PCDH15: variants seen among roughly 807,000 people sequenced by gnomAD.
The protein encoded by PCDH15 is protocadherin related 15, also known as protocadherin-15.
Under a neutral mutation model 178.5 loss-of-function variants are expected in PCDH15, and 129 were observed. That is an observed-to-expected ratio of 0.72 (90% CI 0.63 to 0.84). PCDH15 has a LOEUF of 0.84. PCDH15 is among the 40% of genes least tolerant of loss of function. The pLI, the probability that PCDH15 is intolerant of heterozygous loss-of-function variation, is 0.00. For synonymous variants in PCDH15, 800 were observed against 732.0 expected (o/e 1.09, Z -1.50); for missense variants, 2,230 against 2,099.9 (o/e 1.06, Z -1.21).
At position 54,369,195 on chromosome 10, in the gene PCDH15, C is replaced by G; in HGVS notation, c.399G>C (p.Val133=). The G allele has an allele frequency of 6.2e-7, 1 of 1,613,022 alleles. No individual in the cohort carries two copies. Among genetic ancestry groups the G allele is most frequent in the Non-Finnish European group, 8.5e-7 (1 of 1,179,426 alleles). The change falls in exon 5 of 38, where the codon GTG becomes GTC. Residue 133 remains valine (V), a synonymous_variant. Coordinates refer to ENST00000644397, the MANE Select transcript of PCDH15 (RefSeq NM_001384140.1). ...CATTCCTGTCTCTCACCACTATTCG[C>G]ACTTCATGGTAGATAATAGTGCCCA... The part of the protein sequence containing the change: ...KKVGTIIYHE[V]RIVVRDRNDN...
At chr10:53,988,834 C>A (rs1028962975) in intron 21 of PCDH15, among the ~76,000 whole-genome samples, 1 of 151,540 alleles carries the variant, frequency 6.6e-6, no homozygotes, top group Non-Finnish European at 1.5e-5. Context: ...TCCCCACTCC[C>A]GAAATATGTG....
At chr10:53,828,705 A>G (rs2076849031) in intron 30 of PCDH15, 132 bp from the exon 31 acceptor site, 1 of 785,060 alleles carries the variant, frequency 1.3e-6, no homozygotes, top group Non-Finnish European at 2.1e-6. Flanking sequence ...AGAGTTAATG[A>G]CAGACTAAGA....
intron 17 of PCDH15, among the ~76,000 whole-genome samples, chr10:54,067,708 A>G (rs187409085): frequency 4.4e-4 from 67 of 152,196 alleles, no homozygotes; most frequent in African/African-American, 1.4e-3. Context: ...GAGAAAGAAT[A>G]TTAACCTGGA....
At chr10:54,105,339 TACACACAC>T (rs59388031) in intron 15 of PCDH15, among the ~76,000 whole-genome samples, 6 of 135,000 alleles carry the variant, frequency 4.4e-5, no homozygotes, top group Non-Finnish European at 7.8e-5. Flanking sequence ...TACATATATA[TACACACAC>T]ACACACACAT....
In PCDH15 at chr10:55,275,033, C is replaced by CT. The variant is rs1842551637; in HGVS notation, c.-156+44565dup. On this transcript the variant is annotated intron_variant, in intron 1 of 5. Coordinates refer to the PCDH15 transcript ENST00000458638. ...AGAGTCCCATTTCCTGCTGTTTTCTCTTTTTTTCTTACCATATTTCTGTGA... is the reference window on the plus strand; with the variant it reads ...AGAGTCCCATTTCCTGCTGTTTTCTCTTTTTTTTCTTACCATATTTCTGTGA... Among the ~76,000 whole-genome samples the CT allele has an allele frequency of 3.3e-5, 5 of 151,968 alleles. No homozygotes were observed. In the South Asian group the frequency reaches 1.0e-3, roughly 32 times the overall value.
intron 1 of PCDH15, among the ~76,000 whole-genome samples, chr10:54,701,620 C>A (rs2132240231): frequency 6.6e-6 from 1 of 151,900 alleles, no homozygotes; most frequent in South Asian, 2.1e-4. Flanking sequence ...ATCAATCAGA[C>A]AAACAGAAAA....
At chr10:54,693,735 T>C (rs752684367) in intron 1 of PCDH15, among the ~76,000 whole-genome samples, 15 of 152,092 alleles carry the variant, frequency 9.9e-5, no homozygotes, top group Non-Finnish European at 1.5e-4. Context: ...ATTGGCTAGA[T>C]TGGAGAGTTT....
At chr10:53,830,173 A>AT (rs1431689082) in intron 30 of PCDH15, among the ~76,000 whole-genome samples, 1 of 152,018 alleles carries the variant, frequency 6.6e-6, no homozygotes, top group South Asian at 2.1e-4. Flanking sequence ...GTGGTGGCGC[A>AT]TGCCTGTAAT....
At chr10:54,851,726 C>T (rs1426747805) in intron 3 of PCDH15, among the ~76,000 whole-genome samples, 2 of 152,060 alleles carry the variant, frequency 1.3e-5, no homozygotes, top group Non-Finnish European at 2.9e-5. Context: ...TCCCAAACTA[C>T]GCCTGGCTAA....
intron 20 of PCDH15, among the ~76,000 whole-genome samples, chr10:54,004,712 T>C (rs533824095): frequency 7.6e-4 from 116 of 152,084 alleles, no homozygotes; most frequent in Middle Eastern, 3.4e-3. Context: ...ATCAATATTG[T>C]TAAAATGTCC....
chr10:54,686,041 A>ATTT (rs66539612), intron 1 of PCDH15, among the ~76,000 whole-genome samples: 147 of 126,856 alleles, frequency 1.2e-3, no homozygotes, highest in African/African-American at 3.3e-3. Context: ...AAGACAGCCA[A>ATTT]TTTTTTTTTT....
At chr10:55,192,956 A>T (rs1417394129) in intron 1 of PCDH15, among the ~76,000 whole-genome samples, 2 of 149,592 alleles carry the variant, frequency 1.3e-5, no homozygotes, top group African/African-American at 4.9e-5. Flanking sequence ...CTGCATAGGT[A>T]GATTTCCTTT....
At chr10:55,581,095 T>C (rs1159444494) in intron 2 of PCDH15, among the ~76,000 whole-genome samples, 3 of 152,164 alleles carry the variant, frequency 2.0e-5, no homozygotes, top group African/African-American at 7.2e-5. Flanking sequence ...TGAATGTACA[T>C]AATACGCATT....
At chr10:54,942,815 T>G (rs1177503465) in intron 2 of PCDH15, among the ~76,000 whole-genome samples, 1 of 152,038 alleles carries the variant, frequency 6.6e-6, no homozygotes, top group Non-Finnish European at 1.5e-5. Flanking sequence ...GTAAGCCAAG[T>G]AAAGATGCTG....
intron 2 of PCDH15, among the ~76,000 whole-genome samples, chr10:55,536,238 C>T (rs563381652): frequency 5.9e-5 from 9 of 152,180 alleles, no homozygotes; most frequent in Non-Finnish European, 1.2e-4. Context: ...AATTTTCTAA[C>T]GCTGTTTATT....
chr10:54,737,935 C>T (rs1045162333), intron 1 of PCDH15, among the ~76,000 whole-genome samples: 5 of 151,994 alleles, frequency 3.3e-5, no homozygotes, highest in African/African-American at 9.7e-5. Flanking sequence ...AACTGCATTG[C>T]ATGTTTACTC....
chr10:54,776,880 G>A (rs926196178), intron 1 of PCDH15, among the ~76,000 whole-genome samples: 4 of 152,132 alleles, frequency 2.6e-5, no homozygotes, highest in East Asian at 1.9e-4. Flanking sequence ...TGGAGGCAAT[G>A]TGAGAAATAA....
At chr10:54,448,032 T>C (rs1589456252) in intron 3 of PCDH15, among the ~76,000 whole-genome samples, 1 of 151,696 alleles carries the variant, frequency 6.6e-6, no homozygotes, top group African/African-American at 2.4e-5. Flanking sequence ...GAAAAGATTT[T>C]ATTCAGTTTT....
rs577211410 is a variant in PCDH15, at chr10:55,012,362, T to C, written c.-79-114862A>G. Reference sequence around the variant, plus strand: ...TATTTGGTTATAACAATTTAAAAATTAGATATTTTGAAAAATGATAAAGAT... The same window carrying C: ...TATTTGGTTATAACAATTTAAAAATCAGATATTTTGAAAAATGATAAAGAT... On this transcript the variant is annotated intron_variant, in intron 2 of 5. Transcript: ENST00000458638. Among the ~76,000 whole-genome samples the C allele has an allele frequency of 2.0e-5, 3 of 152,252 alleles. No homozygotes were observed. In the South Asian group the frequency reaches 6.2e-4, roughly 32 times the overall value.
Sources: allele counts gnomAD v4.1 joint callset (sites outside exome capture counted in the v4.1 genomes callset), GRCh38; gene constraint gnomAD v4.1.1; transcripts MANE v1.5; gene names NCBI Gene and HGNC (gene_info 2026-07-23, HGNC 2026-07-21).